The following CLCN5 variants were observed in gnomAD, a reference collection of about 807,000 sequenced individuals.
CLCN5 encodes Cl-/H+ antiporter 5.
A neutral mutation model predicts 54.0 loss-of-function variants in CLCN5; 17 were observed. The observed-to-expected ratio is 0.31, with a 90% confidence interval of 0.22 to 0.47. The LOEUF (loss-of-function observed/expected upper bound fraction) is 0.47. Among genes scored for constraint, CLCN5 ranks in the 20% least tolerant of loss-of-function variants. CLCN5 has a pLI of 1.00. For synonymous variants in CLCN5, 222 were observed against 233.0 expected, an observed-to-expected ratio of 0.95 and a Z score of 0.43; for missense variants, 448 against 646.7, an observed-to-expected ratio of 0.69 and a Z score of 3.33.
chrX:50,051,077 A>T (rs782119045), intron 4 of CLCN5, among the ~76,000 whole-genome samples: 1 of 111,917 alleles, frequency 8.9e-6, no homozygotes, highest in Non-Finnish European at 1.9e-5. Flanking sequence ...TTTGTATTGT[A>T]TATAAAAAGT....
In CLCN5 at chrX:50,086,324, C is replaced by T; in HGVS notation, c.1015-4C>T. The T allele has an allele frequency of 8.3e-7, 1 of 1,207,017 alleles. No individual in the cohort carries two copies. The highest frequency in any genetic ancestry group is 1.1e-6 in the Non-Finnish European group (1 of 892,363). On this transcript the variant is annotated splice_region_variant and splice_polypyrimidine_tract_variant and intron_variant, in intron 10 of 14. Transcript: ENST00000376091. ...AGTTTGCTTTCTCACCTTCTTTCTT[C>T]TAGGTCAGCTACTATTTTCCCCTCA...
At chrX:49,971,385 G>C (rs59041079) in intron 3 of CLCN5, among the ~76,000 whole-genome samples, 9,621 of 106,278 alleles carry the variant, frequency 0.091, 1,124 homozygotes, top group African/African-American at 0.31. Context: ...TCCAATTACC[G>C]TGGCTGGAAC....
intron 3 of CLCN5, among the ~76,000 whole-genome samples, chrX:49,970,262 T>G (rs1043543385): frequency 2.1e-4 from 23 of 111,967 alleles, no homozygotes; most frequent in Non-Finnish European, 3.9e-4. Context: ...AGCAGCTTTA[T>G]TTAGATATAA....
At position 50,092,113 on chromosome X, in the gene CLCN5, T is replaced by C; in HGVS notation, c.2361-16T>C. The C allele has an allele frequency of 1.7e-6, 2 of 1,161,149 alleles. No homozygotes were observed. Among genetic ancestry groups the C allele is most frequent in the Non-Finnish European group, 2.4e-6 (2 of 849,650 alleles). ...CAGATTTATTTTTGTTTTTTTGTAT[T>C]GTGTTTGTCTTTTAGGCGATTGCTT... On this transcript the variant is annotated splice_polypyrimidine_tract_variant and intron_variant, in intron 14 of 14. Coordinates refer to ENST00000376091, the MANE Select transcript of CLCN5 (RefSeq NM_001127898.4).
intron 4 of CLCN5, among the ~76,000 whole-genome samples, chrX:50,050,755 C>G (rs979433424): frequency 9.5e-5 from 10 of 105,279 alleles, no homozygotes; most frequent in Non-Finnish European, 1.9e-4. Flanking sequence ...GCTCCGCCTC[C>G]TGGGTTCACG....
intron 4 of CLCN5, among the ~76,000 whole-genome samples, chrX:50,066,731 C>G (rs1270358266): frequency 2.7e-5 from 3 of 112,087 alleles, no homozygotes; most frequent in Non-Finnish European, 5.6e-5. Context: ...CTACTTTCAT[C>G]CAGGTTGGAT....
chrX:50,025,432 C>CCGTCTTCTG (rs1201548089), intron 3 of CLCN5, among the ~76,000 whole-genome samples: 1 of 103,987 alleles, frequency 9.6e-6, no homozygotes. Flanking sequence ...CAGAAATCAC[C>CCGTCTTCTG]CGTCTTCTGC....
chrX:50,007,397 TTCTCTCTCTCTCTCTC>T (rs781888075), intron 3 of CLCN5, among the ~76,000 whole-genome samples: 4 of 64,434 alleles, frequency 6.2e-5, no homozygotes, highest in African/African-American at 1.6e-4. Context: ...CTCTCTCTCT[TTCTCTCTCTCTCTCTC>T]TCTCTCTCTC....
intron 4 of CLCN5, among the ~76,000 whole-genome samples, chrX:50,046,423 AAG>A (rs1932395404): frequency 8.9e-6 from 1 of 111,894 alleles, no homozygotes; most frequent in African/African-American, 3.3e-5. Context: ...CTGTTGAATG[AAG>A]AGACATTCCT....
chrX:50,036,353 A>G (rs1329079043), intron 3 of CLCN5, among the ~76,000 whole-genome samples: 2 of 111,846 alleles, frequency 1.8e-5, no homozygotes, highest in African/African-American at 6.5e-5. Context: ...CTTTCTTTCT[A>G]TGCATTTACT....
intron 3 of CLCN5, among the ~76,000 whole-genome samples, chrX:49,947,549 C>T (rs1926823190): frequency 9.0e-6 from 1 of 110,852 alleles, no homozygotes; most frequent in Non-Finnish European, 1.9e-5. Flanking sequence ...TGAGGGATTT[C>T]CCTCACCTCC....
intron 3 of CLCN5, among the ~76,000 whole-genome samples, chrX:49,966,316 G>A (rs1446900304): frequency 9.0e-6 from 1 of 110,603 alleles, no homozygotes; most frequent in Non-Finnish European, 1.9e-5. Context: ...CACATAATTT[G>A]TCCATTTCAT....
At chrX:50,090,940 G>A (rs1181544079) in intron 14 of CLCN5, 54 bp downstream of exon 14, 6 of 1,024,876 alleles carry the variant, frequency 5.9e-6, no homozygotes, top group Non-Finnish European at 8.2e-6. Context: ...AGAATGCAGA[G>A]ATAGAAAGAA....
At chrX:49,971,885 A>G (rs1928232998) in intron 3 of CLCN5, among the ~76,000 whole-genome samples, 1 of 111,984 alleles carries the variant, frequency 8.9e-6, no homozygotes, top group South Asian at 3.8e-4. Context: ...TGCCAGTTAA[A>G]TTGTTGCTTT....
chrX:50,057,314 A>C (rs1557189090), intron 4 of CLCN5, among the ~76,000 whole-genome samples: 1 of 105,060 alleles, frequency 9.5e-6, no homozygotes, highest in Non-Finnish European at 2.0e-5. Flanking sequence ...ATATCAACAG[A>C]ATAGCTGCCC....
chrX:50,016,691 T>C (rs1222995959), intron 3 of CLCN5, among the ~76,000 whole-genome samples: 13 of 109,761 alleles, frequency 1.2e-4, no homozygotes, highest in African/African-American at 4.3e-4. Flanking sequence ...TCATACAGAA[T>C]AGTTTCACTG....
At chrX:49,935,733 G>A (rs1382361041) in intron 3 of CLCN5, among the ~76,000 whole-genome samples, 14 of 111,235 alleles carry the variant, frequency 1.3e-4, no homozygotes, top group Non-Finnish European at 2.6e-4. Flanking sequence ...AAATCCCTGA[G>A]GTGGGAAGAA....
chrX:50,005,745 A>G (rs1401398416), intron 3 of CLCN5, among the ~76,000 whole-genome samples: 1 of 111,440 alleles, frequency 9.0e-6, no homozygotes, highest in African/African-American at 3.3e-5. Context: ...CTCCGTAGTT[A>G]TCTGATAGCT....
chrX:50,063,892 G>C lies in CLCN5; in HGVS notation c.164-5987G>C, dbSNP rs1290841900. On this transcript the variant is annotated intron_variant, in intron 4 of 14. Coordinates refer to ENST00000376091, the MANE Select transcript of CLCN5 (RefSeq NM_001127898.4). ...ATAAATGTAATCCAGCATATAAACAGAGCCAAAGACAAAAACCATATGATT... is the reference window on the plus strand; with the variant it reads ...ATAAATGTAATCCAGCATATAAACACAGCCAAAGACAAAAACCATATGATT... 1.1e-4 allele frequency among the ~76,000 whole-genome samples: 12 copies of C among 110,858 alleles called. No individual in the cohort carries two copies. The South Asian group carries it at 2.3e-3, about 22-fold the overall frequency.
Sources: gnomAD v4.1 joint callset for allele counts (sites outside exome capture counted in the v4.1 genomes callset) on GRCh38, gnomAD v4.1.1 for gene constraint, MANE v1.5 for transcripts, NCBI Gene and HGNC (gene_info 2026-07-23, HGNC 2026-07-21) for gene names.